The following ZNF184 variants were observed in gnomAD, a reference collection of about 807,000 sequenced individuals.
The protein encoded by ZNF184 is zinc finger protein 184, also known as zinc finger protein 184 (Kruppel-like).
In ZNF184, 16 loss-of-function variants were observed where a neutral mutation model predicts 54.4. The observed-to-expected ratio is 0.29, with a 90% CI of 0.20 to 0.45. ZNF184 has a LOEUF of 0.45. Ranked by LOEUF, ZNF184 falls within the 20% of genes least tolerant of loss-of-function variation. The pLI, the probability that ZNF184 is intolerant of heterozygous loss-of-function variation, is 1.00. For synonymous variants in ZNF184, 254 were observed against 295.3 expected, an observed-to-expected ratio of 0.86 and a Z score of 1.43; for missense variants, 681 against 888.2, an observed-to-expected ratio of 0.77 and a Z score of 2.97.
chr6:27,412,564 T>C, the ZNF184 span, among the ~76,000 whole-genome samples: 3 of 152,220 alleles, frequency 2.0e-5, no homozygotes, highest in Admixed American at 1.3e-4. Flanking sequence ...ATTGTAAATA[T>C]TGACGAAAAG....
the ZNF184 span, among the ~76,000 whole-genome samples, chr6:27,429,555 G>A: frequency 2.6e-5 from 4 of 152,266 alleles, no homozygotes; most frequent in Admixed American, 2.0e-4. Flanking sequence ...TCTGGTGCCT[G>A]GTGCCCCCAA....
At chr6:27,414,970 T>C in the ZNF184 span, among the ~76,000 whole-genome samples, 1 of 152,298 alleles carries the variant, frequency 6.6e-6, no homozygotes, top group East Asian at 1.9e-4. Context: ...ATTTAATCTC[T>C]TTGAGGCTGT....
chr6:27,446,815 G>C (rs1426626613), downstream of ZNF184, among the ~76,000 whole-genome samples: 1 of 152,154 alleles, frequency 6.6e-6, no homozygotes, highest in Non-Finnish European at 1.5e-5. Flanking sequence ...CCTAGATGTA[G>C]GACAAAGAGT....
chr6:27,421,671 C>T, the ZNF184 span, among the ~76,000 whole-genome samples: 1 of 152,138 alleles, frequency 6.6e-6, no homozygotes, highest in Non-Finnish European at 1.5e-5. Context: ...CTATAGGAAA[C>T]TATATGACAA....
the ZNF184 span, among the ~76,000 whole-genome samples, chr6:27,425,193 C>A: frequency 6.6e-6 from 1 of 152,224 alleles, no homozygotes; most frequent in Admixed American, 6.5e-5. Flanking sequence ...AACCCTGGTT[C>A]CCGCTCGCGC....
At chr6:27,440,678 G>T in the ZNF184 span, among the ~76,000 whole-genome samples, 1,583 of 152,242 alleles carry the variant, frequency 0.01, 28 homozygotes, top group African/African-American at 0.036. Flanking sequence ...AACAAGGGAA[G>T]TTCAGTGAGG....
intron 5 of ZNF184, among the ~76,000 whole-genome samples, chr6:27,455,316 A>G (rs1310087042): frequency 6.6e-6 from 1 of 152,142 alleles, no homozygotes; most frequent in African/African-American, 2.4e-5. Flanking sequence ...GAACTATAAA[A>G]ATTATCTATG....
intron 4 of ZNF184, 97 bp downstream of exon 4, chr6:27,457,186 G>A (rs1762877567): frequency 2.1e-6 from 3 of 1,455,026 alleles, no homozygotes; most frequent in African/African-American, 1.4e-5. Flanking sequence ...ATTTAGAAAT[G>A]GTTGGTTACT....
intron 3 of ZNF184, among the ~76,000 whole-genome samples, chr6:27,462,844 G>A (rs1461917276): frequency 4.7e-5 from 7 of 148,130 alleles, no homozygotes; most frequent in South Asian, 2.2e-4. Context: ...CAGCCTGGGC[G>A]ACAGAGTGAG....
At chr6:27,423,937 CTT>C in the ZNF184 span, among the ~76,000 whole-genome samples, 297 of 152,322 alleles carry the variant, frequency 1.9e-3, 1 homozygote, top group African/African-American at 6.8e-3. Context: ...TGAGTCTGCT[CTT>C]GTTGAAACAT....
the ZNF184 span, among the ~76,000 whole-genome samples, chr6:27,429,435 T>A: frequency 6.6e-6 from 1 of 152,206 alleles, no homozygotes; most frequent in African/African-American, 2.4e-5. Flanking sequence ...CCTATGTCCC[T>A]CTCTGGATGC....
At chr6:27,457,461 G>A (rs1409980960) in intron 3 of ZNF184, 52 bp from the exon 4 acceptor site, 2 of 1,598,304 alleles carry the variant, frequency 1.3e-6, no homozygotes, top group Non-Finnish European at 1.7e-6. Context: ...CTTAGGAAAG[G>A]GGTAAAGTTA....
At chr6:27,425,514 G>A in the ZNF184 span, among the ~76,000 whole-genome samples, 1 of 152,220 alleles carries the variant, frequency 6.6e-6, no homozygotes, top group African/African-American at 2.4e-5. Context: ...GGGAAGTAGG[G>A]GCAGGGACTG....
At chr6:27,428,844 G>A in the ZNF184 span, among the ~76,000 whole-genome samples, 7 of 152,284 alleles carry the variant, frequency 4.6e-5, no homozygotes, top group East Asian at 5.8e-4. This position sits in a 1 kb window ranked among gnomAD's most constrained non-coding sequence, Gnocchi z 4.1. Flanking sequence ...GTGGGAATAT[G>A]AGAAAATGAA....
the ZNF184 span, among the ~76,000 whole-genome samples, chr6:27,438,121 T>G: frequency 6.6e-6 from 1 of 152,200 alleles, no homozygotes; most frequent in Non-Finnish European, 1.5e-5. Context: ...AGGGCCCATA[T>G]TAAAATGTTA....
chr6:27,422,145 AAAAAAAGAAAGAAAGAAAGAAAG>A, the ZNF184 span, among the ~76,000 whole-genome samples: 4 of 51,878 alleles, frequency 7.7e-5, no homozygotes, highest in African/African-American at 3.2e-4. Context: ...TACCTCAAAA[AAAAAAAGAAAGAAAGAAAGAAAG>A]AAAGAAAGAA....
the ZNF184 span, among the ~76,000 whole-genome samples, chr6:27,413,763 C>G: frequency 6.6e-6 from 1 of 152,158 alleles, no homozygotes; most frequent in Non-Finnish European, 1.5e-5. Context: ...CATAACTTGA[C>G]TTACATCTTC....
the ZNF184 span, among the ~76,000 whole-genome samples, chr6:27,444,803 A>G: frequency 6.6e-6 from 1 of 152,090 alleles, no homozygotes; most frequent in African/African-American, 2.4e-5. Flanking sequence ...CATGCTGCCT[A>G]CCTCACACAT....
At chr6:27,442,721 C>CAGAAGGAA in the ZNF184 span, among the ~76,000 whole-genome samples, 3 of 101,724 alleles carry the variant, frequency 2.9e-5, no homozygotes, top group African/African-American at 7.4e-5. Context: ...GAAAGAAGGA[C>CAGAAGGAA]GGAAGGAAGG....
Sources: allele counts gnomAD v4.1 joint callset (sites outside exome capture counted in the v4.1 genomes callset), GRCh38; gene constraint gnomAD v4.1.1; non-coding constraint Gnocchi (gnomAD v3.1); transcripts MANE v1.5; gene names NCBI Gene and HGNC (gene_info 2026-07-23, HGNC 2026-07-21).